The following ZNF532 variants were observed in gnomAD, a reference collection of about 807,000 sequenced individuals.
ZNF532 encodes the protein zinc finger protein 532.
A neutral mutation model predicts 89.3 loss-of-function variants in ZNF532; 22 were observed. The ratio of observed to expected loss-of-function variants is 0.25; its 90% confidence interval spans 0.18 to 0.35. The LOEUF is 0.35. ZNF532 is among the 10% of genes least tolerant of loss of function. The pLI is 1.00. For synonymous variants in ZNF532, 606 were observed against 649.6 expected (o/e 0.93, Z 1.02); for missense variants, 1,132 against 1,643.4 (o/e 0.69, Z 5.38).
Position 58,919,136 on chromosome 18 carries a change from T to C in ZNF532, c.849T>C (p.Ala283=), listed in dbSNP as rs779506627. ...CGGCTCTCAGCGCTAAAAAGGCGGCTTCAGACTCCTGCAAAGAACCAGTGG... is the reference window on the plus strand; with the variant it reads ...CGGCTCTCAGCGCTAAAAAGGCGGCCTCAGACTCCTGCAAAGAACCAGTGG... ...AIAALSAKKA[A]SDSCKEPVAN... The change falls in exon 3 of 10, where the codon GCT becomes GCC. Residue 283 remains alanine, a synonymous_variant. Transcript: ENST00000591808. The surrounding 1 kb of genome is among the most constrained non-coding windows in gnomAD (Gnocchi z 6.1). 1 of 1,614,062 alleles carries C rather than the reference T, an allele frequency of 6.2e-7. No homozygotes were observed. Among genetic ancestry groups the C allele is most frequent in the Non-Finnish European group, 8.5e-7 (1 of 1,180,038 alleles).
intron 2 of ZNF532, among the ~76,000 whole-genome samples, chr18:58,903,317 C>T (rs1187218456): frequency 6.6e-6 from 1 of 152,214 alleles, no homozygotes; most frequent in Admixed American, 6.5e-5. Flanking sequence ...ACACGCGGAA[C>T]CGCAGCAGCT....
intron 3 of ZNF532, among the ~76,000 whole-genome samples, chr18:58,922,713 T>C (rs2061212470): frequency 6.6e-6 from 1 of 152,246 alleles, no homozygotes; most frequent in Admixed American, 6.5e-5. Flanking sequence ...CGTGTCTGTG[T>C]CTGCTGGTGG....
chr18:58,962,551 G>A (rs1402750205), intron 7 of ZNF532, among the ~76,000 whole-genome samples: 1 of 152,060 alleles, frequency 6.6e-6, no homozygotes, highest in Non-Finnish European at 1.5e-5. Context: ...AGCACACTTG[G>A]TGCTCACCAG....
chr18:58,877,683 C>T (rs1259491710), intron 2 of ZNF532, among the ~76,000 whole-genome samples: 1 of 152,192 alleles, frequency 6.6e-6, no homozygotes, highest in East Asian at 1.9e-4. Context: ...CTGTGCTGTG[C>T]AGAATCCTGT....
intron 6 of ZNF532, among the ~76,000 whole-genome samples, chr18:58,949,116 T>C (rs903777908): frequency 1.3e-5 from 2 of 152,158 alleles, no homozygotes. Flanking sequence ...CTGGTGGTGT[T>C]CAGTTAATGA....
At chr18:58,913,321 T>C (rs1402091263) in intron 2 of ZNF532, among the ~76,000 whole-genome samples, 55 of 152,206 alleles carry the variant, frequency 3.6e-4, no homozygotes, top group Admixed American at 3.5e-3. Flanking sequence ...CTGGGGATGC[T>C]AGCTAGATTC....
At chr18:58,964,021 A>C (rs929953253) in intron 7 of ZNF532, 10 of 152,088 alleles carry the variant, frequency 6.6e-5, no homozygotes, top group African/African-American at 2.4e-4. Flanking sequence ...CCATTAGTTA[A>C]GGGGATAAAA....
At chr18:58,977,007 G>C (rs576352255) in intron 7 of ZNF532, among the ~76,000 whole-genome samples, 2 of 152,248 alleles carry the variant, frequency 1.3e-5, no homozygotes, top group South Asian at 4.1e-4. Context: ...GGCCTATTTT[G>C]TGTAATCAAA....
intron 2 of ZNF532, among the ~76,000 whole-genome samples, chr18:58,912,913 C>T (rs1242571396): frequency 1.3e-5 from 2 of 151,986 alleles, no homozygotes; most frequent in African/African-American, 2.4e-5. Context: ...TCCAGAGGCG[C>T]GGCTGATCAA....
intron 3 of ZNF532, among the ~76,000 whole-genome samples, chr18:58,926,955 A>C (rs886589552): frequency 6.6e-6 from 1 of 152,200 alleles, no homozygotes; most frequent in Non-Finnish European, 1.5e-5. Flanking sequence ...GGAGTTTTGC[A>C]TCTATATGCA....
chr18:58,875,231 AAACTTCT>A (rs1325358618), intron 2 of ZNF532, among the ~76,000 whole-genome samples: 8 of 151,624 alleles, frequency 5.3e-5, no homozygotes, highest in Non-Finnish European at 1.2e-4. Flanking sequence ...GGCTGGTCTC[AAACTTCT>A]GGACTCAAGT....
chr18:58,871,802 A>C (rs1446258318), intron 2 of ZNF532, among the ~76,000 whole-genome samples: 1 of 152,226 alleles, frequency 6.6e-6, no homozygotes, highest in South Asian at 2.1e-4. Context: ...TGCACCAGAG[A>C]CATCTCTAGA....
Position 58,919,093 on chromosome 18 carries a change from C to T in ZNF532, c.806C>T (p.Ser269Phe), listed in dbSNP as rs772877539. ...ACAAAGTCGTCCTCCAAGCTCTCGT[C>T]CTGCATCGCTGCCATCGCGGCTCTC... is the stretch of plus-strand genomic sequence containing the variant. ...SKTKSSSKLS[S>F]CIAAIAALSA... The change falls in exon 3 of 10, where the codon TCC (serine) becomes TTC (phenylalanine). Residue 269 changes from serine to phenylalanine, a missense_variant. Transcript: ENST00000591808. This position sits in a 1 kb window ranked among gnomAD's most constrained non-coding sequence, Gnocchi z 6.1. The T allele has an allele frequency of 6.2e-7, 1 of 1,614,210 alleles. No homozygotes were observed. The highest frequency in any genetic ancestry group is 8.5e-7 in the Non-Finnish European group (1 of 1,180,044).
intron 2 of ZNF532, among the ~76,000 whole-genome samples, chr18:58,873,722 G>T (rs2057188017): frequency 6.6e-6 from 1 of 152,160 alleles, no homozygotes; most frequent in African/African-American, 2.4e-5. Flanking sequence ...GTGAGCCACT[G>T]CACCTGGCCA....
chr18:58,942,344 TC>T (rs1568383099), intron 5 of ZNF532, among the ~76,000 whole-genome samples: 716 of 39,536 alleles, frequency 0.018, 19 homozygotes, highest in South Asian at 0.026. Context: ...CCTCCCTCCC[TC>T]CCTCCCTTCC....
chr18:58,886,771 G>T (rs1266425344), intron 2 of ZNF532, among the ~76,000 whole-genome samples: 1 of 152,162 alleles, frequency 6.6e-6, no homozygotes, highest in Non-Finnish European at 1.5e-5. Flanking sequence ...TTGCCTCTAT[G>T]CCCTGAGATC....
At chr18:58,924,710 C>T (rs966870897) in intron 3 of ZNF532, among the ~76,000 whole-genome samples, 5 of 152,180 alleles carry the variant, frequency 3.3e-5, no homozygotes, top group Admixed American at 1.3e-4. Context: ...GGGACATGAG[C>T]GTTGACTCAG....
intron 9 of ZNF532, 93 bp downstream of exon 9, chr18:58,981,710 A>G: frequency 3.9e-6 from 6 of 1,527,406 alleles, no homozygotes; most frequent in Non-Finnish European, 5.3e-6. Flanking sequence ...TTGCATAGTT[A>G]CAGTTTTAAA....
Position 58,918,970 on chromosome 18 carries a change from A to G in ZNF532, c.683A>G (p.Lys228Arg). 6.2e-7 allele frequency: 1 copy of G among 1,613,670 alleles called. No individual in the cohort carries two copies. Among genetic ancestry groups the G allele is most frequent in the Non-Finnish European group, 8.5e-7 (1 of 1,180,042 alleles). Reference sequence around the variant, plus strand: ...GTCAGAAAAGCAGAGGATAAATTGAAGGAAAGCTCTGACAAGGTGCTGGAA... The same window carrying G: ...GTCAGAAAAGCAGAGGATAAATTGAGGGAAAGCTCTGACAAGGTGCTGGAA... ...FKVRKAEDKL[K>R]ESSDKVLENR... Residue 228 changes from lysine to arginine, a missense_variant, in exon 3 of 10, where the codon AAG becomes AGG. By Grantham distance (26) the Lys-to-Arg change is conservative. Around this residue, in one of 9 missense-constraint regions of ZNF532, gnomAD observed 302 missense variants for 319.8 expected, o/e 0.94. Transcript: ENST00000591808.
Sources: gnomAD v4.1 joint callset for allele counts (sites outside exome capture counted in the v4.1 genomes callset) on GRCh38, gnomAD v4.1.1 for gene constraint, gnomAD v4.1.1 regional missense constraint, Gnocchi (gnomAD v3.1) non-coding constraint, MANE v1.5 for transcripts, NCBI Gene and HGNC (gene_info 2026-07-23, HGNC 2026-07-21) for gene names.